The following SPEN variants were observed in gnomAD, a reference collection of about 807,000 sequenced individuals.
SPEN encodes spen family transcriptional repressor, also known as msx2-interacting protein.
SPEN carries 18 observed loss-of-function variants against 269.9 expected under a neutral mutation model. That is an observed-to-expected ratio of 0.07 (90% CI 0.05 to 0.10). The LOEUF is 0.10. Ranked by LOEUF, SPEN falls within the 10% of genes least tolerant of loss-of-function variation. The pLI is 1.00. For missense variants in SPEN, 3,822 were observed against 4,631.2 expected (o/e 0.83, Z 5.07); for synonymous variants, 1,726 against 1,765.7 (o/e 0.98, Z 0.56).
intron 3 of SPEN, among the ~76,000 whole-genome samples, chr1:15,880,263 TC>T (rs2070674275): frequency 2.0e-5 from 3 of 152,064 alleles, no homozygotes; most frequent in Middle Eastern, 3.2e-3. Flanking sequence ...TATTTTTTTT[TC>T]CCTTCTGAGA....
chr1:15,925,703 AC>A (rs1174020490), intron 10 of SPEN, among the ~76,000 whole-genome samples: 1 of 151,714 alleles, frequency 6.6e-6, no homozygotes, highest in Non-Finnish European at 1.5e-5. Context: ...AGCCTAAGCT[AC>A]CATGCCCAGC....
At chr1:15,899,844 TTTTA>T (rs1007472125) in intron 3 of SPEN, among the ~76,000 whole-genome samples, 14 of 151,908 alleles carry the variant, frequency 9.2e-5, no homozygotes, top group South Asian at 4.1e-4. Context: ...TATTTTTTTA[TTTTA>T]TTTATTTATT....
At chr1:15,871,196 C>G (rs1046010699) in intron 1 of SPEN, among the ~76,000 whole-genome samples, 2 of 152,114 alleles carry the variant, frequency 1.3e-5, no homozygotes, top group African/African-American at 4.8e-5. Context: ...TCTCAAAATC[C>G]TGACCTCATG....
At position 15,931,660 on chromosome 1, in the gene SPEN, T is replaced by G. The variant is rs1308695187; in HGVS notation, c.5420T>G (p.Val1807Gly). 1 of 1,614,122 alleles carries G rather than the reference T, an allele frequency of 6.2e-7. No homozygotes were observed. The highest frequency in any genetic ancestry group is 8.5e-7 in the Non-Finnish European group (1 of 1,180,036). ...CCCCCAGCTTCTGAAGATTTAGAGG[T>G]TGATCCTCCAGTTGCTGCAAAGGAT... ...SQPPASEDLE[V>G]DPPVAAKDKK... Residue 1807 changes from valine to glycine, a missense_variant, in exon 11 of 15, where the codon GTT (valine) becomes GGT (glycine). By Grantham distance (109) the Val-to-Gly change is moderately radical. Coordinates refer to ENST00000375759, the MANE Select transcript of SPEN (RefSeq NM_015001.3). This position sits in a 1 kb window ranked among gnomAD's most constrained non-coding sequence, Gnocchi z 4.8.
intron 5 of SPEN, among the ~76,000 whole-genome samples, chr1:15,911,617 A>G (rs1322570189): frequency 1.3e-5 from 2 of 152,228 alleles, no homozygotes; most frequent in Non-Finnish European, 2.9e-5. Context: ...TATCAAAACT[A>G]GGAGGTAGCT....
In SPEN at chr1:15,919,356, A is replaced by G. The variant is rs746574973; in HGVS notation, c.1522-48A>G. On this transcript the variant is annotated intron_variant, in intron 7 of 14. Coordinates refer to ENST00000375759, the MANE Select transcript of SPEN (RefSeq NM_015001.3). The stretch of plus-strand genomic sequence containing the variant: ...TTTCTGAGAATTCTGTTGTAGTTGA[A>G]TAGTAATTGTGAACTTTACTAATAG... The G allele has an allele frequency of 1.1e-5, 13 of 1,190,248 alleles. No homozygotes were observed. The East Asian group carries it at 1.2e-4, about 11-fold the overall frequency. 73.7% of individuals were successfully genotyped at this position (1,190,248 alleles called of 1,614,324 possible).
chr1:15,862,381 G>A lies in SPEN; in HGVS notation c.84-10435G>A, dbSNP rs150538584. 5.1e-4 allele frequency among the ~76,000 whole-genome samples: 77 copies of A among 152,278 alleles called. No homozygotes were observed. In the Middle Eastern group the frequency reaches 0.014, roughly 27 times the overall value. ...ATTAATTATTGTGAGAATAGTGTCC[G>A]AATGTTAGCTTAATGGTCATCGTGA... On this transcript the variant is annotated intron_variant, in intron 1 of 14. Transcript: ENST00000375759.
At chr1:15,897,141 G>A (rs2070849824) in intron 3 of SPEN, among the ~76,000 whole-genome samples, 1 of 152,154 alleles carries the variant, frequency 6.6e-6, no homozygotes, top group Non-Finnish European at 1.5e-5. Flanking sequence ...GATGACCGGA[G>A]AAATCTGATA....
chr1:15,932,081 C>T lies in SPEN; in HGVS notation c.5841C>T (p.Thr1947=), dbSNP rs1479602695. The T allele has an allele frequency of 1.9e-6, 3 of 1,613,932 alleles. No individual in the cohort carries two copies. In the African/African-American group the frequency reaches 4.0e-5, roughly 22 times the overall value. Residue 1947 remains threonine, a synonymous_variant, in exon 11 of 15, where the codon ACC becomes ACT. Transcript: ENST00000375759. The surrounding 1 kb of genome is among the most constrained non-coding windows in gnomAD (Gnocchi z 4.2). ...AGGAGGCTGCAGCGGTTCCCACCAC[C>T]CCTCGGAGGGGAAGGCCTCCAAAGA... The part of the protein sequence containing the change: ...ELQEAAAVPT[T]PRRGRPPKTR...
At chr1:15,866,812 G>A (rs1392016121) in intron 1 of SPEN, among the ~76,000 whole-genome samples, 1 of 152,084 alleles carries the variant, frequency 6.6e-6, no homozygotes, top group African/African-American at 2.4e-5. Flanking sequence ...CTAGTTAGGC[G>A]TGCTTGAAAT....
At position 15,930,287 on chromosome 1, in the gene SPEN, C is replaced by T; in HGVS notation, c.4047C>T (p.Gly1349=). 2 of 1,614,122 alleles carry T rather than the reference C, an allele frequency of 1.2e-6. No individual in the cohort carries two copies. The highest frequency in any genetic ancestry group is 1.7e-6 in the Non-Finnish European group (2 of 1,180,010). ...RWDSQMKQDA[G]RFDVSFPNSI... ...ACTCTCAGATGAAACAGGATGCTGG[C>T]AGATTTGATGTGAGTTTCCCAAACA... is the stretch of plus-strand genomic sequence containing the variant. The change falls in exon 11 of 15, where the codon GGC becomes GGT. Residue 1349 remains glycine, a synonymous_variant. Coordinates refer to ENST00000375759, the MANE Select transcript of SPEN (RefSeq NM_015001.3). The surrounding 1 kb of genome is among the most constrained non-coding windows in gnomAD (Gnocchi z 5.3).
intron 4 of SPEN, among the ~76,000 whole-genome samples, chr1:15,910,311 A>G (rs1282325803): frequency 1.3e-5 from 2 of 152,012 alleles, no homozygotes; most frequent in Non-Finnish European, 2.9e-5. Flanking sequence ...TATATTTCTA[A>G]TAAAGCAAAT....
In SPEN at chr1:15,933,497, A is replaced by G; in HGVS notation, c.7257A>G (p.Glu2419=). The change falls in exon 11 of 15, where the codon GAA becomes GAG. Residue 2419 remains glutamate (E), a synonymous_variant. Coordinates refer to ENST00000375759, the MANE Select transcript of SPEN (RefSeq NM_015001.3). The surrounding 1 kb of genome is among the most constrained non-coding windows in gnomAD (Gnocchi z 5.7). ...CGTCCCAAGAAATCAGTGTTGAGGA[A>G]AGGACTCCAACCAAAGCATCTGTGC... The part of the protein sequence containing the change: ...ENSSQEISVE[E]RTPTKASVPP... The G allele has an allele frequency of 6.2e-7, 1 of 1,614,032 alleles. No homozygotes were observed. The highest frequency in any genetic ancestry group is 8.5e-7 in the Non-Finnish European group (1 of 1,179,968).
Position 15,931,412 on chromosome 1 carries a change from A to G in SPEN, c.5172A>G (p.Ser1724=), listed in dbSNP as rs2071219409. 32 of 1,614,160 alleles carry G rather than the reference A, an allele frequency of 2.0e-5. No homozygotes were observed. Among genetic ancestry groups the G allele is most frequent in the Non-Finnish European group, 2.7e-5 (32 of 1,180,030 alleles). ...CTGCGGGTGTTGAGGAAGGTTCATC[A>G]GGTGACCAGCCGCCTTATCTGGATG... ...MMPAGVEEGS[S]GDQPPYLDAK... Residue 1724 remains serine, a synonymous_variant, in exon 11 of 15, where the codon TCA becomes TCG. Coordinates refer to ENST00000375759, the MANE Select transcript of SPEN (RefSeq NM_015001.3). This position sits in a 1 kb window ranked among gnomAD's most constrained non-coding sequence, Gnocchi z 4.8.
chr1:15,856,108 G>C (rs754871272), intron 1 of SPEN, among the ~76,000 whole-genome samples: 10 of 146,600 alleles, frequency 6.8e-5, no homozygotes, highest in Non-Finnish European at 1.5e-4. Flanking sequence ...TTCTGCGTCA[G>C]CCTCCCAAAT....
At chr1:15,905,161 T>TA (rs1462974371) in intron 3 of SPEN, among the ~76,000 whole-genome samples, 1 of 151,920 alleles carries the variant, frequency 6.6e-6, no homozygotes, top group African/African-American at 2.4e-5. Context: ...GTGCTGGGCT[T>TA]ACAGGTGTGA....
rs202014909 is a variant in SPEN, at chr1:15,922,368, C to A, written c.1850+19C>A. On this transcript the variant is annotated intron_variant, in intron 10 of 14. Transcript: ENST00000375759. ...AAAGAAGGTATGTATTTTAAACTTA[C>A]CAGTGTAGCTTGAGTTTTAATAGTT... The A allele has an allele frequency of 7.8e-6, 12 of 1,534,278 alleles. No individual in the cohort carries two copies. The highest frequency in any genetic ancestry group is 1.4e-5 in the African/African-American group (1 of 71,834).
chr1:15,935,587 C>T lies in SPEN; in HGVS notation c.9347C>T (p.Ala3116Val), dbSNP rs763721746. The T allele has an allele frequency of 1.3e-5, 21 of 1,613,982 alleles. No homozygotes were observed. Among genetic ancestry groups the T allele is most frequent in the Non-Finnish European group, 1.5e-5 (18 of 1,180,004 alleles). ...ATCACCTACAGCATCCGGCCAGAAG[C>T]GCTTCACTCTCCTCGGGCTCCGCTG... ...PSITYSIRPE[A>V]LHSPRAPLQP... Residue 3116 changes from alanine (A) to valine (V), a missense_variant, in exon 11 of 15, where the codon GCG becomes GTG. By Grantham distance (64) the Ala-to-Val change is moderately conservative. This residue lies in a region of SPEN where 153 missense variants were observed against 228.5 expected (regional missense o/e 0.67). Transcript: ENST00000375759. The surrounding 1 kb of genome is among the most constrained non-coding windows in gnomAD (Gnocchi z 7.7).
intron 1 of SPEN, among the ~76,000 whole-genome samples, chr1:15,868,153 TTA>T (rs1460009648): frequency 6.7e-6 from 1 of 150,362 alleles, no homozygotes; most frequent in Non-Finnish European, 1.5e-5. Context: ...AAAAAAAAAA[TTA>T]TATATATTTA....
Sources: gnomAD v4.1 joint callset for allele counts (sites outside exome capture counted in the v4.1 genomes callset) on GRCh38, gnomAD v4.1.1 for gene constraint, gnomAD v4.1.1 regional missense constraint, Gnocchi (gnomAD v3.1) non-coding constraint, MANE v1.5 for transcripts, NCBI Gene and HGNC (gene_info 2026-07-23, HGNC 2026-07-21) for gene names.